KCNU1: variants seen among roughly 807,000 people sequenced by gnomAD.
KCNU1 encodes the protein potassium calcium-activated channel subfamily U member 1, also known as potassium channel subfamily U member 1.
Under a neutral mutation model 126.8 loss-of-function variants are expected in KCNU1, and 93 were observed. That is an observed-to-expected ratio of 0.73 (90% confidence interval 0.62 to 0.87). KCNU1 has a LOEUF of 0.87. KCNU1 is among the 40% of genes least tolerant of loss of function. The probability of loss-of-function intolerance (pLI) is 0.00; values close to 1 mark genes in which losing one functional copy is unlikely to be tolerated. For missense variants in KCNU1, 1,330 were observed against 1,367.1 expected (o/e 0.97, Z 0.43); for synonymous variants, 523 against 494.2 (o/e 1.06, Z -0.77).
At chr8:36,894,348 T>C (rs10110407) in intron 19 of KCNU1, among the ~76,000 whole-genome samples, 58,533 of 151,988 alleles carry the variant, frequency 0.39, 11,419 homozygotes, top group Admixed American at 0.44. Context: ...GCAGAATTTG[T>C]AATCAAAGTT....
chr8:36,805,876 C>A (rs2130418613), intron 4 of KCNU1, among the ~76,000 whole-genome samples: 1 of 152,094 alleles, frequency 6.6e-6, no homozygotes, highest in African/African-American at 2.4e-5. Context: ...CATGGTCTTG[C>A]TTTGTCACCT....
At chr8:36,913,805 G>A (rs1191022144) in intron 22 of KCNU1, among the ~76,000 whole-genome samples, 1 of 152,030 alleles carries the variant, frequency 6.6e-6, no homozygotes, top group Non-Finnish European at 1.5e-5. Flanking sequence ...GTTTCACCGT[G>A]TTAGCCAGGA....
chr8:36,846,573 G>T (rs899473627), intron 18 of KCNU1, among the ~76,000 whole-genome samples: 2 of 152,110 alleles, frequency 1.3e-5, no homozygotes, highest in Non-Finnish European at 2.9e-5. Flanking sequence ...GGAGGCCAAG[G>T]GGGGTGGATC....
chr8:36,791,604 T>G (rs1322084399), intron 2 of KCNU1, among the ~76,000 whole-genome samples: 2 of 152,166 alleles, frequency 1.3e-5, no homozygotes, highest in African/African-American at 4.8e-5. Context: ...ACAACAGTTT[T>G]CAACCTTAGT....
intron 19 of KCNU1, among the ~76,000 whole-genome samples, chr8:36,868,298 A>T (rs765266894): frequency 6.6e-6 from 1 of 152,130 alleles, no homozygotes; most frequent in Non-Finnish European, 1.5e-5. Flanking sequence ...ACATATGTCT[A>T]GAGGATCTAT....
intron 19 of KCNU1, among the ~76,000 whole-genome samples, chr8:36,887,010 G>T (rs150579443): frequency 6.6e-5 from 10 of 152,130 alleles, no homozygotes; most frequent in Non-Finnish European, 7.4e-5. Flanking sequence ...GTATTCCATG[G>T]TGTATATATA....
intron 2 of KCNU1, chr8:36,795,966 A>G (rs1563259624): frequency 6.6e-6 from 1 of 152,242 alleles, no homozygotes; most frequent in Non-Finnish European, 1.5e-5. Flanking sequence ...GGAAACAGCT[A>G]TCTGGGCTGG....
intron 10 of KCNU1, among the ~76,000 whole-genome samples, chr8:36,819,200 G>A (rs1251168533): frequency 1.3e-5 from 2 of 152,000 alleles, no homozygotes; most frequent in East Asian, 1.9e-4. Flanking sequence ...GACATTCTCT[G>A]TGGCTTCATA....
intron 18 of KCNU1, among the ~76,000 whole-genome samples, chr8:36,860,490 T>G (rs561309833): frequency 6.6e-6 from 1 of 152,310 alleles, no homozygotes; most frequent in Non-Finnish European, 1.5e-5. Flanking sequence ...GATAAGTTTT[T>G]GGGCATGAAG....
At chr8:36,861,014 G>A (rs1805711046) in intron 18 of KCNU1, among the ~76,000 whole-genome samples, 1 of 151,836 alleles carries the variant, frequency 6.6e-6, no homozygotes, top group African/African-American at 2.4e-5. Flanking sequence ...AACACATAAG[G>A]TAGAGATTTA....
At chr8:36,925,037 C>T (rs1808488403) in intron 24 of KCNU1, among the ~76,000 whole-genome samples, 7 of 152,122 alleles carry the variant, frequency 4.6e-5, no homozygotes, top group Admixed American at 4.6e-4. Flanking sequence ...CTGATTCCTC[C>T]CACCACTCAG....
At position 36,864,500 on chromosome 8, in the gene KCNU1, G is replaced by A. The variant is rs899886448; in HGVS notation, c.1988G>A (p.Ser663Asn). The A allele has an allele frequency of 1.9e-6, 3 of 1,610,472 alleles. No homozygotes were observed. The highest frequency in any genetic ancestry group is 2.2e-5 in the East Asian group (1 of 44,836). Reference sequence around the variant, plus strand: ...CCAAGGGTATCTGCAAGCACTTCGAGCATATCAAACTTCACCACCAGGTAA... The same window carrying A: ...CCAAGGGTATCTGCAAGCACTTCGAACATATCAAACTTCACCACCAGGTAA... Reference protein sequence around the residue: ...SPPRVSASTSSISNFTTRTLQ... With the variant: ...SPPRVSASTSNISNFTTRTLQ... Residue 663 changes from serine (S) to asparagine (N), a missense_variant, in exon 19 of 27, where the codon AGC becomes AAC. By Grantham distance (46) the Ser-to-Asn change is conservative (BLOSUM62 1). Transcript: ENST00000399881.
intron 14 of KCNU1, among the ~76,000 whole-genome samples, chr8:36,837,445 C>T (rs1340833405): frequency 1.3e-5 from 2 of 152,070 alleles, no homozygotes; most frequent in South Asian, 2.1e-4. Context: ...GGAATAATAA[C>T]AGTAACCACA....
At position 36,833,538 on chromosome 8, in the gene KCNU1, G is replaced by T. The variant is rs376830695; in HGVS notation, c.1107-16G>T. 3 of 1,502,548 alleles carry T rather than the reference G, an allele frequency of 2.0e-6. No individual in the cohort carries two copies. In the South Asian group the frequency reaches 3.4e-5, roughly 17 times the overall value. 93.1% of individuals were successfully genotyped at this position (1,502,548 alleles called of 1,614,324 possible). ...ATCTTTTTTCCCTCATTGCTGCCAC[G>T]TTCTTTTTTGTCCAGAACCCCTCCT... On this transcript the variant is annotated splice_polypyrimidine_tract_variant and intron_variant, in intron 10 of 26. Transcript: ENST00000399881.
At chr8:36,933,346 T>C (rs1808759145) in intron 26 of KCNU1, among the ~76,000 whole-genome samples, 1 of 152,132 alleles carries the variant, frequency 6.6e-6, no homozygotes, top group Admixed American at 6.5e-5. Context: ...TCCATGTCTG[T>C]ACAACTTTCT....
At chr8:36,878,475 G>A (rs541883356) in intron 19 of KCNU1, among the ~76,000 whole-genome samples, 1 of 152,234 alleles carries the variant, frequency 6.6e-6, no homozygotes, top group Admixed American at 6.5e-5. Context: ...TCATATCCCT[G>A]CTCACAAACT....
chr8:36,922,763 CCATA>C (rs1034527560), intron 24 of KCNU1, 134 bp downstream of exon 24: 3 of 910,056 alleles, frequency 3.3e-6, no homozygotes, highest in Admixed American at 5.8e-5. Context: ...AAGCTTGTTC[CCATA>C]CATTAATTTA....
At position 36,837,545 on chromosome 8, in the gene KCNU1, G is replaced by A. The variant is rs138879064; in HGVS notation, c.1518+600G>A. ...TGGTGAAGCTAACTAACTTGATCATGCAGTAAGTTAGTGAGCCGCAGAGCT... is the reference window on the plus strand; with the variant it reads ...TGGTGAAGCTAACTAACTTGATCATACAGTAAGTTAGTGAGCCGCAGAGCT... On this transcript the variant is annotated intron_variant, in intron 14 of 26. Transcript: ENST00000399881. Among the ~76,000 whole-genome samples, 757 of 152,260 alleles carry A rather than the reference G, an allele frequency of 5.0e-3. 10 individuals carry two copies. The highest frequency in any genetic ancestry group is 0.017 in the African/African-American group (718 of 41,566).
Position 36,922,389 on chromosome 8 carries a change from G to A in KCNU1, c.2597-101G>A, listed in dbSNP as rs543357328. 121 of 1,262,014 alleles carry A rather than the reference G, an allele frequency of 9.6e-5. No individual in the cohort carries two copies. The East Asian group carries it at 2.7e-3, about 29-fold the overall frequency. The allele number at this position is 1,262,014 out of a possible 1,614,324, so 78.2% of individuals were successfully genotyped here. A position where few individuals can be genotyped will look rare whatever the true frequency, so the allele number is the denominator to read the frequency against. On this transcript the variant is annotated intron_variant, in intron 23 of 26. Coordinates refer to ENST00000399881, the MANE Select transcript of KCNU1 (RefSeq NM_001031836.3). ...CACAGAGACCCCAAAGTAGACATCA[G>A]ATCTTTTGATCAAGTGGTCGCCCCT...
Sources: gnomAD v4.1 joint callset for allele counts (sites outside exome capture counted in the v4.1 genomes callset) on GRCh38, gnomAD v4.1.1 for gene constraint, MANE v1.5 for transcripts, NCBI Gene and HGNC (gene_info 2026-07-23, HGNC 2026-07-21) for gene names.